Variants in VRK2 observed in about 807,000 individuals in gnomAD.
The protein encoded by VRK2 is VRK serine/threonine kinase 2, also known as serine/threonine-protein kinase VRK2.
Under a neutral mutation model 57.6 loss-of-function variants are expected in VRK2, and 60 were observed. That is an observed-to-expected ratio of 1.04 (90% CI 0.85 to 1.29). The LOEUF (loss-of-function observed/expected upper bound fraction) is 1.29. Among genes scored for constraint, VRK2 ranks in the 50% most tolerant of loss-of-function variants. The probability of loss-of-function intolerance (pLI) is 0.00; values close to 1 mark genes in which losing one functional copy is unlikely to be tolerated. For missense variants in VRK2, 705 were observed against 588.1 expected, an observed-to-expected ratio of 1.20 and a Z score of -2.06; for synonymous variants, 231 against 199.2, an observed-to-expected ratio of 1.16 and a Z score of -1.35.
At chr2:58,151,481 A>G (rs1260331960) in intron 12 of VRK2, among the ~76,000 whole-genome samples, 1 of 151,648 alleles carries the variant, frequency 6.6e-6, no homozygotes, top group Non-Finnish European at 1.5e-5. Context: ...GGCTTTTGTA[A>G]CTAGCATATA....
intron 12 of VRK2, among the ~76,000 whole-genome samples, chr2:58,152,361 A>C (rs10172212): frequency 0.74 from 111,731 of 151,712 alleles, 42,249 homozygotes; most frequent in African/African-American, 0.92. Context: ...AAGAACCTTA[A>C]AAATATATAC....
intron 2 of VRK2, among the ~76,000 whole-genome samples, chr2:58,027,890 A>G (rs997619283): frequency 2.6e-5 from 4 of 152,328 alleles, no homozygotes; most frequent in Middle Eastern, 3.4e-3. Context: ...CAAAATTTTT[A>G]AAGAGAGATC....
chr2:58,042,729 T>TTG (rs557098922), upstream of VRK2, among the ~76,000 whole-genome samples: 52 of 152,328 alleles, frequency 3.4e-4, no homozygotes, highest in South Asian at 9.5e-3. Context: ...GAAAGTCCTT[T>TTG]TGTGTGCGTG....
At chr2:57,999,136 C>T (rs557628741) in intron 1 of VRK2, among the ~76,000 whole-genome samples, 2 of 152,264 alleles carry the variant, frequency 1.3e-5, no homozygotes, top group South Asian at 2.1e-4. Context: ...TTTAAAGGCA[C>T]AGCCCATTTA....
intron 10 of VRK2, among the ~76,000 whole-genome samples, chr2:58,138,382 T>C (rs1680846016): frequency 1.3e-5 from 2 of 151,948 alleles, no homozygotes; most frequent in African/African-American, 4.8e-5. Flanking sequence ...CAGAATTTGA[T>C]AAAAATAGAT....
chr2:57,917,379 A>G (rs1670191500), intron 1 of VRK2, among the ~76,000 whole-genome samples: 1 of 151,822 alleles, frequency 6.6e-6, no homozygotes, highest in South Asian at 2.1e-4. Context: ...GATGACCCAA[A>G]TTGAAGACGA....
At position 58,146,489 on chromosome 2, in the gene VRK2, T is replaced by C. The variant is rs75771314; in HGVS notation, c.1182+15T>C. On this transcript the variant is annotated intron_variant, in intron 12 of 12. Coordinates refer to ENST00000340157, the MANE Select transcript of VRK2 (RefSeq NM_006296.7). ...AAGCAGCTCAGGTGAGAGGGTTGTT[T>C]GTGTGTGTTTTTTCTAACTTAATGT... The C allele has an allele frequency of 7.8e-3, 12,440 of 1,598,608 alleles. 123 individuals carry two copies. The highest frequency in any genetic ancestry group is 8.6e-3 in the Non-Finnish European group (10,073 of 1,173,038).
intron 1 of VRK2, among the ~76,000 whole-genome samples, chr2:57,916,224 T>C (rs1558490714): frequency 1.3e-5 from 2 of 151,898 alleles, no homozygotes; most frequent in Non-Finnish European, 2.9e-5. Flanking sequence ...CTGACCAACA[T>C]GGAGAAAACC....
chr2:58,104,262 A>G (rs1337813941), intron 7 of VRK2, among the ~76,000 whole-genome samples: 1 of 151,790 alleles, frequency 6.6e-6, no homozygotes, highest in African/African-American at 2.4e-5. Flanking sequence ...GCAAAAGAAG[A>G]AATCGAATTA....
At chr2:57,912,771 A>T (rs2678895) in intron 1 of VRK2, among the ~76,000 whole-genome samples, 45,818 of 152,110 alleles carry the variant, frequency 0.3, 8,168 homozygotes, top group East Asian at 0.41. Flanking sequence ...AGAACAGGAA[A>T]GGAATGCATT....
At chr2:57,937,150 G>A (rs1191675510) in intron 1 of VRK2, among the ~76,000 whole-genome samples, 2 of 152,120 alleles carry the variant, frequency 1.3e-5, no homozygotes, top group East Asian at 3.8e-4. Flanking sequence ...GACCAATTCA[G>A]AAGCAATAGA....
intron 2 of VRK2, among the ~76,000 whole-genome samples, chr2:58,079,815 C>T (rs531615579): frequency 1.8e-3 from 268 of 152,042 alleles, no homozygotes; most frequent in Middle Eastern, 6.8e-3. Flanking sequence ...ATTTAGAAGC[C>T]ATAATATGGT....
intron 12 of VRK2, among the ~76,000 whole-genome samples, chr2:58,152,211 G>A (rs1488333957): frequency 6.6e-6 from 1 of 151,776 alleles, no homozygotes; most frequent in African/African-American, 2.4e-5. Context: ...AAAATTTGGT[G>A]TCTATTTTAT....
chr2:58,052,959 T>A (rs1314741773), intron 2 of VRK2, among the ~76,000 whole-genome samples: 1 of 152,208 alleles, frequency 6.6e-6, no homozygotes, highest in Non-Finnish European at 1.5e-5. Context: ...AAAGATATGA[T>A]TTATCTGTAG....
intron 11 of VRK2, among the ~76,000 whole-genome samples, chr2:58,146,098 G>C (rs1411763781): frequency 6.6e-6 from 1 of 151,872 alleles, no homozygotes; most frequent in Non-Finnish European, 1.5e-5. Context: ...TGCATGCAGT[G>C]ACACTAATTT....
At chr2:58,070,055 A>T (rs781033044) in intron 2 of VRK2, among the ~76,000 whole-genome samples, 4 of 152,046 alleles carry the variant, frequency 2.6e-5, no homozygotes, top group Non-Finnish European at 5.9e-5. Context: ...CTCATATACT[A>T]CCTCTTTCTC....
At position 58,147,181 on chromosome 2, in the gene VRK2, A is replaced by G. The variant is rs757991802; in HGVS notation, c.1182+707A>G. 24 of 518,132 alleles carry G rather than the reference A, an allele frequency of 4.6e-5. No individual in the cohort carries two copies. In the East Asian group the frequency reaches 1.2e-3, roughly 26 times the overall value. 32.1% of individuals were successfully genotyped at this position (518,132 alleles called of 1,614,324 possible). A position where few individuals can be genotyped will look rare whatever the true frequency, so the allele number is the denominator to read the frequency against. ...GATATATCAGGCAGCTGGGATATTA[A>G]TCACTAAACTGAGCACTGAATTTGG... On this transcript the variant is annotated intron_variant, in intron 12 of 12. Coordinates refer to ENST00000340157, the MANE Select transcript of VRK2 (RefSeq NM_006296.7).
intron 1 of VRK2, among the ~76,000 whole-genome samples, chr2:57,957,543 CT>C (rs1286390736): frequency 1.3e-5 from 2 of 149,244 alleles, no homozygotes; most frequent in African/African-American, 2.4e-5. Flanking sequence ...CATTTATTTT[CT>C]AACCAACAAA....
At chr2:58,052,192 T>TTCTGCATC (rs1188588404) in intron 2 of VRK2, among the ~76,000 whole-genome samples, 1 of 152,248 alleles carries the variant, frequency 6.6e-6, no homozygotes, top group Non-Finnish European at 1.5e-5. Flanking sequence ...GTTGTTTCTA[T>TTCTGCATC]TCTGCATAAT....
Sources: gnomAD v4.1 joint callset for allele counts (sites outside exome capture counted in the v4.1 genomes callset) on GRCh38, gnomAD v4.1.1 for gene constraint, MANE v1.5 for transcripts, NCBI Gene and HGNC (gene_info 2026-07-23, HGNC 2026-07-21) for gene names.